The following STAB2 variants were observed in gnomAD, a reference collection of about 807,000 sequenced individuals.
The protein encoded by STAB2 is stabilin-2.
In STAB2, 288 loss-of-function variants were observed where a neutral mutation model predicts 338.1. The ratio of observed to expected loss-of-function variants is 0.85; its 90% CI spans 0.77 to 0.94. The LOEUF is 0.94. Ranked by LOEUF, STAB2 falls within the 40% of genes least tolerant of loss-of-function variation. STAB2 has a pLI of 0.00. For missense variants in STAB2, 3,141 were observed against 3,210.1 expected (o/e 0.98, Z 0.52); for synonymous variants, 1,202 against 1,193.3 (o/e 1.01, Z -0.15).
At chr12:103,651,603 C>T (rs572037433) in intron 11 of STAB2, among the ~76,000 whole-genome samples, 1 of 152,206 alleles carries the variant, frequency 6.6e-6, no homozygotes, top group South Asian at 2.1e-4. Context: ...TGAGCCACTG[C>T]ACCTGGCCCA....
intron 19 of STAB2, among the ~76,000 whole-genome samples, chr12:103,667,071 G>T (rs1486302208): frequency 1.3e-5 from 2 of 152,190 alleles, no homozygotes; most frequent in Admixed American, 1.3e-4. Context: ...TTGCCTATAA[G>T]TTTATCATAA....
At chr12:103,694,589 T>G (rs1878239469) in intron 31 of STAB2, among the ~76,000 whole-genome samples, 1 of 152,136 alleles carries the variant, frequency 6.6e-6, no homozygotes, top group East Asian at 1.9e-4. Flanking sequence ...AAAATTTTAT[T>G]TTTAAGTACA....
chr12:103,594,279 A>G (rs892317746), intron 2 of STAB2, 116 bp from the exon 3 acceptor site: 2 of 725,462 alleles, frequency 2.8e-6, no homozygotes, highest in East Asian at 5.0e-5. Context: ...TTCCATCTAG[A>G]TATTTTTAAC....
At position 103,615,804 on chromosome 12, in the gene STAB2, G is replaced by A. The variant is rs555666927; in HGVS notation, c.332-4664G>A. Among the ~76,000 whole-genome samples, 25 of 152,252 alleles carry A rather than the reference G, an allele frequency of 1.6e-4. No individual in the cohort carries two copies. In the East Asian group the frequency reaches 4.6e-3, roughly 28 times the overall value. ...GGCAGAACAGAGTAAGTGCAAGCAGGGGAAATGCCAGACACTTATAAAGCC... is the reference window on the plus strand; with the variant it reads ...GGCAGAACAGAGTAAGTGCAAGCAGAGGAAATGCCAGACACTTATAAAGCC... On this transcript the variant is annotated intron_variant, in intron 3 of 68. Transcript: ENST00000388887.
At chr12:103,724,785 G>A (rs575273343) in intron 44 of STAB2, among the ~76,000 whole-genome samples, 190 bp from the exon 45 acceptor site, 7 of 152,154 alleles carry the variant, frequency 4.6e-5, no homozygotes, top group Non-Finnish European at 1.0e-4. Flanking sequence ...TACAAGGCCA[G>A]GTGAATAAGA....
chr12:103,758,434 T>C, intron 64 of STAB2, 145 bp downstream of exon 64: 1 of 1,379,962 alleles, frequency 7.2e-7, no homozygotes, highest in African/African-American at 1.4e-5. Flanking sequence ...GCCACTCCCT[T>C]GGTCTTGGCA....
At chr12:103,690,835 C>T (rs757337099) in intron 30 of STAB2, among the ~76,000 whole-genome samples, 1 of 152,192 alleles carries the variant, frequency 6.6e-6, no homozygotes, top group African/African-American at 2.4e-5. Flanking sequence ...TGCAATTCCA[C>T]AACTTTTCTT....
At chr12:103,620,257 G>C (rs1034615600) in intron 3 of STAB2, among the ~76,000 whole-genome samples, 1 of 152,188 alleles carries the variant, frequency 6.6e-6, no homozygotes, top group Admixed American at 6.5e-5. Context: ...ATGGTAGATA[G>C]TGTGATACTT....
chr12:103,734,647 C>G (rs76713321), intron 51 of STAB2, among the ~76,000 whole-genome samples: 3,705 of 152,256 alleles, frequency 0.024, 157 homozygotes, highest in African/African-American at 0.085. Context: ...GCCAAATGCC[C>G]CAACTTTAGT....
At chr12:103,681,024 A>G (rs1016925062) in intron 25 of STAB2, among the ~76,000 whole-genome samples, 1 of 152,230 alleles carries the variant, frequency 6.6e-6, no homozygotes, top group African/African-American at 2.4e-5. Context: ...ACCTATGTAT[A>G]ACGCTAAAGT....
chr12:103,741,038 T>G (rs1427037402), intron 55 of STAB2, among the ~76,000 whole-genome samples: 2 of 152,190 alleles, frequency 1.3e-5, no homozygotes, highest in African/African-American at 4.8e-5. Flanking sequence ...TACACCGTAT[T>G]TCATTTTTGA....
intron 23 of STAB2, 45 bp from the exon 24 acceptor site, chr12:103,675,883 G>A (rs763519330): frequency 8.1e-5 from 122 of 1,515,400 alleles, no homozygotes; most frequent in Non-Finnish European, 8.9e-5. Flanking sequence ...CTTCTGGGTC[G>A]TTGGTGCTTA....
intron 31 of STAB2, among the ~76,000 whole-genome samples, chr12:103,694,695 G>A (rs1206079880): frequency 1.2e-4 from 19 of 152,088 alleles, no homozygotes; most frequent in Admixed American, 1.2e-3. Flanking sequence ...CCACTGCCTG[G>A]CCTGTAGTAG....
chr12:103,696,101 G>A (rs1878381732), intron 33 of STAB2, among the ~76,000 whole-genome samples: 2 of 152,122 alleles, frequency 1.3e-5, no homozygotes, highest in Admixed American at 1.3e-4. Flanking sequence ...TTAAGGGTGT[G>A]GTGTTGGTGT....
rs185468072 is a variant in STAB2, at chr12:103,766,053, G to C, written c.7606-233G>C. ...GATGAAGAAACTGCAGCCGAGTTGGGATGATTTGTCTTGGGCCACCCAGCT... is the reference window on the plus strand; with the variant it reads ...GATGAAGAAACTGCAGCCGAGTTGGCATGATTTGTCTTGGGCCACCCAGCT... On this transcript the variant is annotated intron_variant, in intron 68 of 68. Coordinates refer to ENST00000388887, the MANE Select transcript of STAB2 (RefSeq NM_017564.10). 7.9e-4 allele frequency: 529 copies of C among 669,668 alleles called. No individual in the cohort carries two copies. In the African/African-American group the frequency reaches 8.4e-3, roughly 11 times the overall value. 41.5% of individuals were successfully genotyped at this position (669,668 alleles called of 1,614,324 possible). A position where few individuals can be genotyped will look rare whatever the true frequency, so the allele number is the denominator to read the frequency against.
chr12:103,658,717 C>G (rs1051993351), intron 15 of STAB2, among the ~76,000 whole-genome samples: 37 of 152,250 alleles, frequency 2.4e-4, no homozygotes, highest in African/African-American at 8.4e-4. Context: ...CCCAGGACCC[C>G]TACCCATGCC....
chr12:103,670,859 G>A lies in STAB2; in HGVS notation c.2371+52G>A, dbSNP rs542840400. The A allele has an allele frequency of 3.1e-5, 47 of 1,492,480 alleles. 1 individual carries two copies. Among genetic ancestry groups the A allele is most frequent in the African/African-American group, 1.5e-4 (11 of 71,998 alleles). The allele number at this position is 1,492,480 out of a possible 1,614,324, so 92.5% of individuals were successfully genotyped here. ...CCACTCCTAAGCAAGGTTCCCTCTC[G>A]TGCTGCAGCAGGGTGCTGGTGCAGG... On this transcript the variant is annotated intron_variant, in intron 22 of 68. Coordinates refer to ENST00000388887, the MANE Select transcript of STAB2 (RefSeq NM_017564.10).
At chr12:103,656,747 C>T (rs953275296) in intron 15 of STAB2, among the ~76,000 whole-genome samples, 5 of 142,292 alleles carry the variant, frequency 3.5e-5, no homozygotes, top group Middle Eastern at 3.7e-3. Context: ...ACTGCAGTGG[C>T]GCAATCTCGG....
rs539724762 is a variant in STAB2, at chr12:103,674,108, C to G, written c.2552+21C>G. On this transcript the variant is annotated intron_variant, in intron 23 of 68. Transcript: ENST00000388887. ...GCCAGGTAGGTCTGTGAGGGAATGGCCCTTAATGACGCTGAGTCATTAAGT... is the reference window on the plus strand; with the variant it reads ...GCCAGGTAGGTCTGTGAGGGAATGGGCCTTAATGACGCTGAGTCATTAAGT... 6.9e-6 allele frequency: 11 copies of G among 1,598,246 alleles called. 1 individual carries two copies. In the African/African-American group the frequency reaches 1.2e-4, roughly 17 times the overall value.
Sources: gnomAD v4.1 joint callset for allele counts (sites outside exome capture counted in the v4.1 genomes callset) on GRCh38, gnomAD v4.1.1 for gene constraint, MANE v1.5 for transcripts, NCBI Gene and HGNC (gene_info 2026-07-23, HGNC 2026-07-21) for gene names.